PUDP: variants seen among roughly 807,000 people sequenced by gnomAD.
PUDP encodes pseudouridine-5'-phosphatase.
Under a neutral mutation model 9.4 loss-of-function variants are expected in PUDP, and 8 were observed. That is an observed-to-expected ratio of 0.85 (90% CI 0.50 to 1.53). The LOEUF (loss-of-function observed/expected upper bound fraction) is 1.53, where lower values mean the gene tolerates loss of function less well. Among genes scored for constraint, PUDP ranks in the 40% most tolerant of loss-of-function variants. The pLI is 0.00. For synonymous variants in PUDP, 99 were observed against 80.7 expected (o/e 1.23, Z -1.22); for missense variants, 188 against 189.7 (o/e 0.99, Z 0.05).
intron 3 of PUDP, among the ~76,000 whole-genome samples, chrX:6,817,259 G>C (rs1233942869): frequency 9.2e-6 from 1 of 109,126 alleles, no homozygotes; most frequent in Non-Finnish European, 1.9e-5. Context: ...TTTTTTCAGA[G>C]ATACGGGATC....
At chrX:7,115,906 G>C (rs1476321868) in intron 1 of PUDP, among the ~76,000 whole-genome samples, 1 of 112,480 alleles carries the variant, frequency 8.9e-6, no homozygotes, top group African/African-American at 3.2e-5. Context: ...GAGTCTATCT[G>C]CTCAAAGCAT....
intron 3 of PUDP, among the ~76,000 whole-genome samples, chrX:6,846,824 G>A (rs1409940429): frequency 9.0e-6 from 1 of 111,426 alleles, no homozygotes; most frequent in African/African-American, 3.3e-5. Context: ...ACAAGGAAAG[G>A]GAGTCTATAG....
chrX:6,785,755 C>CA (rs1925637390), intron 3 of PUDP, among the ~76,000 whole-genome samples: 1 of 111,275 alleles, frequency 9.0e-6, no homozygotes, highest in Non-Finnish European at 1.9e-5. Context: ...TCACCACTAC[C>CA]AAAAAAATCC....
chrX:7,045,915 C>T, downstream of PUDP, among the ~76,000 whole-genome samples: 1 of 111,877 alleles, frequency 8.9e-6, no homozygotes, highest in Non-Finnish European at 1.9e-5. Flanking sequence ...AAAAATATTG[C>T]TCTTAAACTG....
At chrX:7,057,912 C>T (rs1208211471) in intron 3 of PUDP, 8 of 611,701 alleles carry the variant, frequency 1.3e-5, no homozygotes, top group South Asian at 8.4e-5. Flanking sequence ...GAAGGGCCCG[C>T]GGCTTGTGAT....
At chrX:6,728,484 T>C (rs1308354574) in intron 3 of PUDP, among the ~76,000 whole-genome samples, 6 of 111,974 alleles carry the variant, frequency 5.4e-5, no homozygotes, top group Non-Finnish European at 9.4e-5. Context: ...TTATTTACTT[T>C]ATGTTATTGG....
chrX:7,125,367 T>C (rs919827583), intron 1 of PUDP, among the ~76,000 whole-genome samples: 2 of 112,165 alleles, frequency 1.8e-5, no homozygotes, highest in Admixed American at 1.9e-4. Context: ...CATAGAGCTC[T>C]AGATGGATGT....
chrX:6,910,192 C>T (rs906944530), intron 3 of PUDP, among the ~76,000 whole-genome samples: 5 of 112,037 alleles, frequency 4.5e-5, no homozygotes, highest in Non-Finnish European at 1.9e-5. Flanking sequence ...ATGAAGTTTC[C>T]CCGTAGCCCC....
At chrX:6,987,531 C>A (rs1355868499) in intron 1 of PUDP, among the ~76,000 whole-genome samples, 2 of 112,312 alleles carry the variant, frequency 1.8e-5, no homozygotes, top group African/African-American at 6.5e-5. Context: ...GTGACAGCAA[C>A]TAAGACAGAC....
intron 3 of PUDP, among the ~76,000 whole-genome samples, chrX:6,890,719 C>T (rs1927499568): frequency 9.1e-6 from 1 of 109,352 alleles, no homozygotes; most frequent in African/African-American, 3.3e-5. Context: ...ATGTTAGAGA[C>T]GCTTTGTTCA....
intron 3 of PUDP, among the ~76,000 whole-genome samples, chrX:6,918,273 C>T (rs1256846984): frequency 3.6e-5 from 4 of 111,603 alleles, no homozygotes; most frequent in Non-Finnish European, 7.5e-5. Flanking sequence ...ATATTGTGAT[C>T]CTTTATTGTT....
chrX:6,727,956 G>C (rs1163161576), intron 3 of PUDP, among the ~76,000 whole-genome samples: 3 of 111,889 alleles, frequency 2.7e-5, no homozygotes, highest in African/African-American at 9.7e-5. Flanking sequence ...TATTTATTAG[G>C]AGGTTTATTT....
chrX:7,070,968 A>G (rs1380286012), intron 3 of PUDP, among the ~76,000 whole-genome samples: 1 of 112,361 alleles, frequency 8.9e-6, no homozygotes, highest in Non-Finnish European at 1.9e-5. Context: ...TACAGAGGTC[A>G]GCTCACACTG....
chrX:6,715,899 C>A (rs1308341474), intron 1 of PUDP, among the ~76,000 whole-genome samples: 1 of 111,302 alleles, frequency 9.0e-6, no homozygotes, highest in African/African-American at 3.3e-5. Context: ...AGAAGCCAGG[C>A]TGAGCTGCCA....
intron 3 of PUDP, among the ~76,000 whole-genome samples, chrX:6,811,359 C>T (rs188067622): frequency 0.013 from 1,388 of 110,644 alleles, 20 homozygotes; most frequent in African/African-American, 0.042. Flanking sequence ...CTGTCACCCA[C>T]GCTGGAGTGC....
At chrX:6,987,865 C>G (rs1411252923) in intron 1 of PUDP, among the ~76,000 whole-genome samples, 2 of 111,529 alleles carry the variant, frequency 1.8e-5, no homozygotes, top group African/African-American at 6.5e-5. Flanking sequence ...AAGCTTCCAT[C>G]TGTTGACCAT....
intron 2 of PUDP, among the ~76,000 whole-genome samples, chrX:7,098,976 C>G (rs1233415189): frequency 9.3e-6 from 1 of 107,641 alleles, no homozygotes; most frequent in East Asian, 3.0e-4. Context: ...AGGAGCACAT[C>G]TGCAAGGCAG....
intron 1 of PUDP, among the ~76,000 whole-genome samples, chrX:6,717,965 A>T (rs1924618879): frequency 9.1e-6 from 1 of 110,478 alleles, no homozygotes; most frequent in African/African-American, 3.3e-5. Flanking sequence ...GATGTTGAGC[A>T]TTTTTTTTAC....
At chrX:6,894,068 G>C (rs1044174813) in intron 3 of PUDP, among the ~76,000 whole-genome samples, 5 of 111,087 alleles carry the variant, frequency 4.5e-5, no homozygotes, top group African/African-American at 1.6e-4. Context: ...TGGACACGTG[G>C]AGGGGAACAA....
Sources: gnomAD v4.1 joint callset for allele counts (sites outside exome capture counted in the v4.1 genomes callset) on GRCh38, gnomAD v4.1.1 for gene constraint, MANE v1.5 for transcripts, NCBI Gene and HGNC (gene_info 2026-07-23, HGNC 2026-07-21) for gene names.